Variants in FAM13A observed in about 807,000 individuals in gnomAD.
The protein encoded by FAM13A is protein FAM13A.
In FAM13A, 76 loss-of-function variants were observed where a neutral mutation model predicts 129.6. That is an observed-to-expected ratio of 0.59 (90% confidence interval 0.49 to 0.71). FAM13A has a LOEUF of 0.71. FAM13A is among the 30% of genes least tolerant of loss of function. FAM13A has a pLI of 0.00. For synonymous variants in FAM13A, 443 were observed against 449.9 expected, an observed-to-expected ratio of 0.98 and a Z score of 0.20; for missense variants, 1,108 against 1,249.3, an observed-to-expected ratio of 0.89 and a Z score of 1.70.
In FAM13A at chr4:88,748,261, T is replaced by C. The variant is rs56372593; in HGVS notation, c.2162-410A>G. On this transcript the variant is annotated intron_variant, in intron 17 of 23. Coordinates refer to ENST00000264344, the MANE Select transcript of FAM13A (RefSeq NM_014883.4). ...GTAGTATCAATAACTTATTCTTTTT[T>C]CAGAGAGTATCTAGTTACAGTATCA... Among the ~76,000 whole-genome samples, 107 of 152,328 alleles carry C rather than the reference T, an allele frequency of 7.0e-4. 1 individual carries two copies. The highest frequency in any genetic ancestry group is 2.5e-3 in the African/African-American group (103 of 41,568).
intron 7 of FAM13A, among the ~76,000 whole-genome samples, chr4:88,808,812 T>C (rs370716937): frequency 4.8e-4 from 73 of 152,112 alleles, no homozygotes; most frequent in Admixed American, 1.8e-3. Flanking sequence ...ATTGAGAGAT[T>C]TGGGCAATCA....
intron 6 of FAM13A, among the ~76,000 whole-genome samples, chr4:88,866,758 A>G (rs1740534492): frequency 1.3e-5 from 2 of 152,188 alleles, no homozygotes; most frequent in Admixed American, 6.5e-5. Context: ...GAACCTCTAT[A>G]CTTTATTAGT....
At chr4:88,851,643 T>C (rs1244398961) in intron 6 of FAM13A, among the ~76,000 whole-genome samples, 1 of 152,228 alleles carries the variant, frequency 6.6e-6, no homozygotes, top group Admixed American at 6.5e-5. Context: ...TTACTACCAA[T>C]AAGCAAAACA....
intron 3 of FAM13A, among the ~76,000 whole-genome samples, chr4:89,002,338 C>T (rs1201826209): frequency 6.6e-6 from 1 of 152,166 alleles, no homozygotes; most frequent in Non-Finnish European, 1.5e-5. Context: ...TGTGCTCAGA[C>T]AGGAGTGCTG....
intron 6 of FAM13A, among the ~76,000 whole-genome samples, chr4:88,861,938 A>G (rs944175890): frequency 5.3e-5 from 8 of 152,262 alleles, no homozygotes; most frequent in African/African-American, 1.9e-4. Flanking sequence ...GTAAGTGATG[A>G]ATCTAGGATT....
Position 88,746,804 on chromosome 4 carries a change from ACCT to A in FAM13A, c.2466+125_2466+127del. 4.5e-6 allele frequency: 3 copies of A among 660,270 alleles called. No individual in the cohort carries two copies. In the South Asian group the frequency reaches 5.6e-5, roughly 12 times the overall value. The allele number at this position is 660,270 out of a possible 1,614,324, so 40.9% of individuals were successfully genotyped here. On this transcript the variant is annotated intron_variant, in intron 19 of 23. Transcript: ENST00000264344. ...TTAGTTATGGTGTAAATATATACTA[ACCT>A]CCTTTATCCTAAAAGTAAAGCAAGC...
intron 13 of FAM13A, among the ~76,000 whole-genome samples, chr4:88,763,256 C>T (rs1745130592): frequency 6.7e-6 from 1 of 148,752 alleles, no homozygotes; most frequent in African/African-American, 2.5e-5. Flanking sequence ...TCCATTTATA[C>T]CCTACCTCCC....
At chr4:88,938,439 G>T (rs1297998413) in intron 4 of FAM13A, among the ~76,000 whole-genome samples, 198 bp from the exon 5 acceptor site, 1 of 152,116 alleles carries the variant, frequency 6.6e-6, no homozygotes, top group Non-Finnish European at 1.5e-5. Flanking sequence ...CAATAGCTTG[G>T]GCTGAATAAG....
Position 89,029,515 on chromosome 4 carries a change from G to A in FAM13A, c.162C>T (p.Thr54=), listed in dbSNP as rs767389467. 1.2e-5 allele frequency: 19 copies of A among 1,592,770 alleles called. No individual in the cohort carries two copies. In the Admixed American group the frequency reaches 1.7e-4, roughly 14 times the overall value. The change falls in exon 2 of 24, where the codon ACC becomes ACT. Residue 54 remains threonine, a synonymous_variant. Transcript: ENST00000264344. ...ACACTACTGCTGGAATGCCATTCTC[G>A]GTGAGCCCCTGCCGTTCAAGTTCTT... The part of the protein sequence containing the change: ...SLQELERQGL[T]ENGIPAVVWN...
At chr4:88,834,924 C>T (rs114909425) in intron 7 of FAM13A, among the ~76,000 whole-genome samples, 2,407 of 152,244 alleles carry the variant, frequency 0.016, 32 homozygotes, top group Non-Finnish European at 0.023. Flanking sequence ...CTCCCTTTCC[C>T]GCATTTAAAT....
chr4:88,807,159 T>C (rs985652882), intron 7 of FAM13A, among the ~76,000 whole-genome samples: 1 of 152,234 alleles, frequency 6.6e-6, no homozygotes. Flanking sequence ...TTCTTTGATG[T>C]GCATTCAATT....
At chr4:88,790,521 A>G (rs1346394971) in intron 9 of FAM13A, 65 bp downstream of exon 9, 15 of 1,290,154 alleles carry the variant, frequency 1.2e-5, no homozygotes, top group South Asian at 5.1e-5. Context: ...TTTCTGTTTA[A>G]TAAGTGGGAC....
chr4:88,908,514 A>C (rs1748531147), intron 5 of FAM13A, among the ~76,000 whole-genome samples: 2 of 152,238 alleles, frequency 1.3e-5, no homozygotes, highest in African/African-American at 4.8e-5. Context: ...TGCAAAAAAC[A>C]GAAGTGACAG....
At chr4:89,024,581 C>T (rs1408432750) in intron 2 of FAM13A, among the ~76,000 whole-genome samples, 3 of 152,170 alleles carry the variant, frequency 2.0e-5, no homozygotes, top group Non-Finnish European at 2.9e-5. Flanking sequence ...CATGAATGGT[C>T]ACCCCTATAG....
intron 6 of FAM13A, among the ~76,000 whole-genome samples, chr4:88,902,324 A>G (rs62310473): frequency 0.015 from 2,335 of 152,302 alleles, 31 homozygotes; most frequent in Non-Finnish European, 0.027. Context: ...CTTCAGGCCA[A>G]TATCCCTGAT....
intron 3 of FAM13A, among the ~76,000 whole-genome samples, chr4:89,010,194 C>T (rs918146521): frequency 2.0e-5 from 3 of 152,194 alleles, no homozygotes; most frequent in East Asian, 3.8e-4. Flanking sequence ...TGTAACCCTG[C>T]TAAACTACTC....
At chr4:88,984,366 T>C (rs1293195290) in intron 4 of FAM13A, among the ~76,000 whole-genome samples, 2 of 152,048 alleles carry the variant, frequency 1.3e-5, no homozygotes, top group African/African-American at 2.4e-5. Flanking sequence ...ACTTATAGAA[T>C]AGAAGAAAAT....
At chr4:88,833,277 T>C (rs1734221797) in intron 7 of FAM13A, among the ~76,000 whole-genome samples, 1 of 152,072 alleles carries the variant, frequency 6.6e-6, no homozygotes, top group African/African-American at 2.4e-5. Flanking sequence ...CGGGGCTTAA[T>C]ATGTAGGTGA....
chr4:88,819,562 G>A (rs958796949), intron 7 of FAM13A, among the ~76,000 whole-genome samples: 5 of 152,080 alleles, frequency 3.3e-5, no homozygotes, highest in Non-Finnish European at 5.9e-5. Flanking sequence ...AATATGAATT[G>A]TACAAAGAGC....
Sources: gnomAD v4.1 joint callset for allele counts (sites outside exome capture counted in the v4.1 genomes callset) on GRCh38, gnomAD v4.1.1 for gene constraint, MANE v1.5 for transcripts, NCBI Gene and HGNC (gene_info 2026-07-23, HGNC 2026-07-21) for gene names.